The following SCARA5 variants were observed in gnomAD, a reference collection of about 807,000 sequenced individuals.
SCARA5 encodes scavenger receptor class A member 5.
SCARA5 carries 45 observed loss-of-function variants against 46.3 expected under a neutral mutation model. That is an observed-to-expected ratio of 0.97 (90% CI 0.76 to 1.24). The LOEUF (loss-of-function observed/expected upper bound fraction) is 1.24. Ranked by LOEUF, SCARA5 falls within the 50% of genes most tolerant of loss-of-function variation. The pLI, the probability that SCARA5 is intolerant of heterozygous loss-of-function variation, is 0.00. For missense variants in SCARA5, 680 were observed against 689.0 expected, an observed-to-expected ratio of 0.99 and a Z score of 0.15; for synonymous variants, 333 against 306.5, an observed-to-expected ratio of 1.09 and a Z score of -0.90.
intron 6 of SCARA5, 149 bp from the exon 7 acceptor site, chr8:27,904,983 G>A (rs982025420): frequency 1.4e-5 from 10 of 695,670 alleles, no homozygotes; most frequent in African/African-American, 1.4e-4. Context: ...GGCAGGAGAA[G>A]AGGGCAGCCA....
At chr8:27,943,909 A>G (rs1241804100) in intron 3 of SCARA5, among the ~76,000 whole-genome samples, 1 of 152,234 alleles carries the variant, frequency 6.6e-6, no homozygotes, top group East Asian at 1.9e-4. Flanking sequence ...AATAAAAGAT[A>G]GCTTTACAGT....
At position 27,933,765 on chromosome 8, in the gene SCARA5, T is replaced by C. The variant is rs572854783; in HGVS notation, c.242-11520A>G. ...ACCTTTCTCTGTTTATTTATCATGA[T>C]TGAAAAAAGACTGAGGAGCAAGAGA... On this transcript the variant is annotated intron_variant, in intron 3 of 8. Transcript: ENST00000354914. Among the ~76,000 whole-genome samples the C allele has an allele frequency of 9.7e-4, 148 of 152,268 alleles. 1 individual carries two copies. The highest frequency in any genetic ancestry group is 3.2e-3 in the African/African-American group (132 of 41,564).
intron 3 of SCARA5, among the ~76,000 whole-genome samples, chr8:27,961,849 A>T (rs1808299126): frequency 6.6e-6 from 1 of 152,222 alleles, no homozygotes; most frequent in Non-Finnish European, 1.5e-5. Context: ...TCAATTAGGT[A>T]CTTGGTTAAA....
At chr8:27,947,818 T>C (rs1183325607) in intron 3 of SCARA5, among the ~76,000 whole-genome samples, 1 of 151,720 alleles carries the variant, frequency 6.6e-6, no homozygotes, top group Non-Finnish European at 1.5e-5. Flanking sequence ...GAGGTTGCAG[T>C]GAGCTGAGAT....
chr8:27,978,223 G>A (rs1381864377), intron 2 of SCARA5, among the ~76,000 whole-genome samples: 1 of 149,332 alleles, frequency 6.7e-6, no homozygotes, highest in African/African-American at 2.5e-5. Context: ...GAGAGAAAAG[G>A]TTTCACCATG....
chr8:27,984,450 G>A (rs1383868805), intron 2 of SCARA5, among the ~76,000 whole-genome samples: 1 of 152,282 alleles, frequency 6.6e-6, no homozygotes, highest in Non-Finnish European at 1.5e-5. Flanking sequence ...TTTAGACTTC[G>A]AGGACCCCTC....
Position 27,872,045 on chromosome 8 carries a change from G to A in SCARA5, c.1377C>T (p.Asp459=), listed in dbSNP as rs1014665703. 18 of 1,614,116 alleles carry A rather than the reference G, an allele frequency of 1.1e-5. No individual in the cohort carries two copies. Among genetic ancestry groups the A allele is most frequent in the African/African-American group, 2.7e-5 (2 of 74,936 alleles). The change falls in exon 9 of 9, where the codon GAC becomes GAT. Residue 459 remains aspartate (D), a synonymous_variant. Transcript: ENST00000354914. ...TTTCCTCTGTGCCCTTGCAGGCAAC[G>A]TCATCCATCCAGATCCTCCCAGTGC... ...GQGTGRIWMD[D]VACKGTEETI...
chr8:27,936,450 G>A (rs1382291923), intron 3 of SCARA5, among the ~76,000 whole-genome samples: 2 of 151,744 alleles, frequency 1.3e-5, no homozygotes, highest in Middle Eastern at 3.2e-3. Flanking sequence ...TTAGCCAGGC[G>A]TGGTGGCACA....
intron 4 of SCARA5, among the ~76,000 whole-genome samples, chr8:27,918,523 GGAGGAAAA>G (rs869062194): frequency 1.3e-5 from 2 of 150,140 alleles, no homozygotes; most frequent in Non-Finnish European, 3.0e-5. Flanking sequence ...AGGAGGAAAA[GGAGGAAAA>G]GGCAGAGGAG....
intron 4 of SCARA5, among the ~76,000 whole-genome samples, chr8:27,910,689 AG>A (rs1807359132): frequency 6.6e-6 from 1 of 152,230 alleles, no homozygotes; most frequent in Non-Finnish European, 1.5e-5. Context: ...CGGCCATCAG[AG>A]GGATGTCAGG....
At position 27,879,719 on chromosome 8, in the gene SCARA5, G is replaced by T. The variant is rs2129670689; in HGVS notation, c.1201C>A (p.Pro401Thr). Residue 401 changes from proline (P) to threonine (T), a missense_variant, in exon 8 of 9, where the codon CCG becomes ACG. This residue lies in a region of SCARA5 where 219 missense variants were observed against 269.5 expected (regional missense o/e 0.81). Transcript: ENST00000354914. ...MMIRLVNGSG[P>T]HEGRVEVYHD... is the part of the protein sequence containing the mutation. ...TACACTTCCACGCGGCCCTCGTGCG[G>T]ACCTGAGCCATTCACCAGGCGGATC... 1 of 1,613,088 alleles carries T rather than the reference G, an allele frequency of 6.2e-7. No homozygotes were observed. The highest frequency in any genetic ancestry group is 1.3e-5 in the African/African-American group (1 of 75,036).
intron 8 of SCARA5, among the ~76,000 whole-genome samples, chr8:27,877,684 C>G (rs1422185886): frequency 6.6e-6 from 1 of 152,162 alleles, no homozygotes; most frequent in Non-Finnish European, 1.5e-5. Context: ...TAGTCAAAAC[C>G]AGCTGGAATC....
chr8:27,918,646 GGAGGAAAAGGAAGATGA>G (rs1419844616), intron 4 of SCARA5, among the ~76,000 whole-genome samples: 5 of 1,236 alleles, frequency 4.0e-3, no homozygotes, highest in African/African-American at 0.013. Flanking sequence ...AAGATGAGGA[GGAGGAAAAGGAAGATGA>G]GGAGGAAAAG....
At chr8:27,878,038 G>A (rs1585458466) in intron 8 of SCARA5, among the ~76,000 whole-genome samples, 1 of 152,216 alleles carries the variant, frequency 6.6e-6, no homozygotes, top group African/African-American at 2.4e-5. Flanking sequence ...ATTTAGCACA[G>A]TGGGTTGGAC....
chr8:27,888,088 GCT>G (rs1806925865), intron 7 of SCARA5, among the ~76,000 whole-genome samples: 1 of 152,028 alleles, frequency 6.6e-6, no homozygotes, highest in African/African-American at 2.4e-5. Context: ...ACAAGGTCTG[GCT>G]CTGTCACCCA....
At position 27,871,035 on chromosome 8, in the gene SCARA5, C is replaced by A. The variant is rs528803301; in HGVS notation, c.*899G>T. 13 of 152,242 alleles carry A rather than the reference C, an allele frequency of 8.5e-5. No individual in the cohort carries two copies. The highest frequency in any genetic ancestry group is 6.5e-4 in the Admixed American group (10 of 15,284). The allele number at this position is 152,242 out of a possible 1,614,324, so 9.4% of individuals were successfully genotyped here. A position where few individuals can be genotyped will look rare whatever the true frequency, so the allele number is the denominator to read the frequency against. ...CCAGTCATGTTTGACCTTGCACTCACGCCCTGGAGGTTCTGAAGTAGGCAA... is the reference window on the plus strand; with the variant it reads ...CCAGTCATGTTTGACCTTGCACTCAAGCCCTGGAGGTTCTGAAGTAGGCAA... On this transcript the variant is annotated 3_prime_UTR_variant, in exon 9 of 9. Coordinates refer to ENST00000354914, the MANE Select transcript of SCARA5 (RefSeq NM_173833.6).
Position 27,921,565 on chromosome 8 carries a change from C to T in SCARA5, c.916+6G>A, listed in dbSNP as rs749249142. 2.6e-6 allele frequency: 4 copies of T among 1,542,118 alleles called. No individual in the cohort carries two copies. The highest frequency in any genetic ancestry group is 2.4e-5 in the East Asian group (1 of 42,414). On this transcript the variant is annotated splice_donor_region_variant and intron_variant, in intron 4 of 8. Transcript: ENST00000354914. ...GTGGGTGGAGGCAGCAAGGGCCTGG[C>T]GGTACCTTTCGCGAGGGAGATGTTC...
chr8:27,892,895 C>G (rs979656837), intron 7 of SCARA5, among the ~76,000 whole-genome samples: 1 of 152,144 alleles, frequency 6.6e-6, no homozygotes, highest in Non-Finnish European at 1.5e-5. Flanking sequence ...CGTGAGCCAC[C>G]GCACCCAGCC....
chr8:27,988,548 G>A (rs1009366697), intron 1 of SCARA5, among the ~76,000 whole-genome samples: 4 of 152,226 alleles, frequency 2.6e-5, no homozygotes, highest in African/African-American at 9.6e-5. Context: ...GACTCTGGCT[G>A]GAAGGGATTG....
Sources: gnomAD v4.1 joint callset for allele counts (sites outside exome capture counted in the v4.1 genomes callset) on GRCh38, gnomAD v4.1.1 for gene constraint, gnomAD v4.1.1 regional missense constraint, MANE v1.5 for transcripts, NCBI Gene and HGNC (gene_info 2026-07-23, HGNC 2026-07-21) for gene names.